The following DGKB variants were observed in gnomAD, a reference collection of about 807,000 sequenced individuals.
DGKB encodes the protein 90 kDa diacylglycerol kinase.
A neutral mutation model predicts 114.3 loss-of-function variants in DGKB; 67 were observed. That is an observed-to-expected ratio of 0.59 (90% CI 0.48 to 0.72). The LOEUF is 0.72. Ranked by LOEUF, DGKB falls within the 30% of genes least tolerant of loss-of-function variation. The probability of loss-of-function intolerance (pLI) is 0.00; values close to 1 mark genes in which losing one functional copy is unlikely to be tolerated. For synonymous variants in DGKB, 398 were observed against 323.1 expected (o/e 1.23, Z -2.49); for missense variants, 907 against 975.2 (o/e 0.93, Z 0.93).
At chr7:14,548,812 C>T (rs1342598805) in intron 20 of DGKB, among the ~76,000 whole-genome samples, 1 of 151,982 alleles carries the variant, frequency 6.6e-6, no homozygotes, top group African/African-American at 2.4e-5. Context: ...ATGAGAGTTC[C>T]AGATACCCAG....
At chr7:14,273,888 T>C (rs1798614473) in intron 23 of DGKB, among the ~76,000 whole-genome samples, 1 of 152,232 alleles carries the variant, frequency 6.6e-6, no homozygotes, top group South Asian at 2.1e-4. Context: ...TAATTTCTCA[T>C]TGTACTAACA....
chr7:14,205,053 T>G (rs1786539140), intron 23 of DGKB, among the ~76,000 whole-genome samples: 1 of 152,016 alleles, frequency 6.6e-6, no homozygotes, highest in African/African-American at 2.4e-5. Flanking sequence ...AAATCTACTC[T>G]CAGATATCTT....
chr7:14,657,469 T>C (rs1816087324), intron 13 of DGKB, among the ~76,000 whole-genome samples: 1 of 151,884 alleles, frequency 6.6e-6, no homozygotes, highest in Non-Finnish European at 1.5e-5. Context: ...GAAACATTTA[T>C]TGAGAGCTGA....
intron 21 of DGKB, among the ~76,000 whole-genome samples, chr7:14,428,178 T>G (rs1827871445): frequency 6.6e-6 from 1 of 152,066 alleles, no homozygotes; most frequent in African/African-American, 2.4e-5. Flanking sequence ...CTGTGATATA[T>G]ATATATAATT....
chr7:14,935,684 G>A (rs1410695446), intron 1 of DGKB, among the ~76,000 whole-genome samples: 1 of 151,902 alleles, frequency 6.6e-6, no homozygotes, highest in South Asian at 2.1e-4. Flanking sequence ...ATTACATTGT[G>A]GATACCCAAG....
chr7:14,551,328 G>C (rs1795071089), intron 20 of DGKB, among the ~76,000 whole-genome samples: 2 of 152,190 alleles, frequency 1.3e-5, no homozygotes, highest in African/African-American at 4.8e-5. Context: ...AACTAATGTG[G>C]ATAAGGTTTT....
intron 25 of DGKB, among the ~76,000 whole-genome samples, chr7:14,151,467 T>A (rs73063818): frequency 0.31 from 42,992 of 137,984 alleles, 7,243 homozygotes; most frequent in South Asian, 0.45. Context: ...AAAAACTTTT[T>A]AAAAAAAAAA....
chr7:14,483,007 G>A (rs1783210893), intron 20 of DGKB, among the ~76,000 whole-genome samples: 1 of 151,456 alleles, frequency 6.6e-6, no homozygotes, highest in South Asian at 2.1e-4. Flanking sequence ...TGTTGGCCTG[G>A]CATTTTTTTT....
intron 6 of DGKB, among the ~76,000 whole-genome samples, chr7:14,703,078 A>G (rs1283007331): frequency 6.6e-6 from 1 of 152,244 alleles, no homozygotes; most frequent in African/African-American, 2.4e-5. Context: ...GCAGAAGGAA[A>G]CAGCAACTTA....
chr7:14,742,840 G>A (rs995967460), intron 4 of DGKB, among the ~76,000 whole-genome samples: 108 of 152,152 alleles, frequency 7.1e-4, no homozygotes, highest in African/African-American at 7.2e-5. Flanking sequence ...GGAAAAGATT[G>A]TAAGAAGGCA....
intron 21 of DGKB, among the ~76,000 whole-genome samples, chr7:14,369,911 A>G (rs747105077): frequency 1.6e-4 from 25 of 152,138 alleles, no homozygotes; most frequent in Admixed American, 9.2e-4. Context: ...GAACTATCTG[A>G]TTATAGTTTC....
chr7:14,659,958 G>A (rs1455284876), intron 13 of DGKB, among the ~76,000 whole-genome samples: 1 of 151,504 alleles, frequency 6.6e-6, no homozygotes, highest in East Asian at 2.0e-4. Flanking sequence ...GTTGAATTTT[G>A]TCAAAGGCCT....
chr7:14,709,978 AAG>A, intron 6 of DGKB, among the ~76,000 whole-genome samples: 1 of 151,518 alleles, frequency 6.6e-6, no homozygotes, highest in Non-Finnish European at 1.5e-5. Context: ...AAAAAAAAAA[AAG>A]AAAAGAAAAG....
At chr7:14,949,792 G>A (rs1786078356) in intron 1 of DGKB, among the ~76,000 whole-genome samples, 1 of 151,994 alleles carries the variant, frequency 6.6e-6, no homozygotes, top group South Asian at 2.1e-4. Flanking sequence ...ATGAATTCAT[G>A]TCCTTCATAG....
intron 25 of DGKB, among the ~76,000 whole-genome samples, chr7:14,174,159 T>G (rs909357513): frequency 1.3e-5 from 2 of 152,160 alleles, no homozygotes; most frequent in African/African-American, 4.8e-5. Flanking sequence ...ATTTCCAGCA[T>G]GCACCGGGGC....
chr7:14,495,431 A>G (rs892425094), intron 20 of DGKB, among the ~76,000 whole-genome samples: 2 of 151,832 alleles, frequency 1.3e-5, no homozygotes, highest in Non-Finnish European at 2.9e-5. Context: ...ATTTCTTTTT[A>G]AATTATTAAT....
intron 23 of DGKB, among the ~76,000 whole-genome samples, chr7:14,178,840 A>T (rs1782212763): frequency 6.6e-6 from 1 of 152,092 alleles, no homozygotes. Context: ...AGACATTAAA[A>T]AGGGGCTAAT....
chr7:14,287,105 G>A (rs887541848), intron 23 of DGKB, among the ~76,000 whole-genome samples: 10 of 152,048 alleles, frequency 6.6e-5, no homozygotes, highest in African/African-American at 2.2e-4. Context: ...GTAAACTACA[G>A]TATTTTTGTC....
chr7:14,365,342 T>A (rs540798231), intron 21 of DGKB, among the ~76,000 whole-genome samples: 1 of 151,994 alleles, frequency 6.6e-6, no homozygotes, highest in East Asian at 1.9e-4. Context: ...CTTCTAAGAG[T>A]TTTTGTCTCT....
Sources: gnomAD v4.1 joint callset for allele counts (sites outside exome capture counted in the v4.1 genomes callset) on GRCh38, gnomAD v4.1.1 for gene constraint, MANE v1.5 for transcripts, NCBI Gene and HGNC (gene_info 2026-07-23, HGNC 2026-07-21) for gene names.